SYT14: variants seen among roughly 807,000 people sequenced by gnomAD.
The protein encoded by SYT14 is synaptotagmin-14.
Under a neutral mutation model 74.2 loss-of-function variants are expected in SYT14, and 32 were observed. That is an observed-to-expected ratio of 0.43 (90% CI 0.33 to 0.58). The LOEUF is 0.58. Among genes scored for constraint, SYT14 ranks in the 20% least tolerant of loss-of-function variants. SYT14 has a pLI of 0.05. For missense variants in SYT14, 791 were observed against 981.8 expected, an observed-to-expected ratio of 0.81 and a Z score of 2.60; for synonymous variants, 298 against 337.7, an observed-to-expected ratio of 0.88 and a Z score of 1.29.
Position 210,169,225 on chromosome 1 carries a change from T to G in SYT14, c.*8183T>G, listed in dbSNP as rs2083493451. On this transcript the variant is annotated 3_prime_UTR_variant, in exon 10 of 10. Transcript: ENST00000637265. The stretch of plus-strand genomic sequence containing the variant: ...TTTGGTTTTTATGTTTTTGGTGTTT[T>G]TTTTTTTTTTTTTTTTTTTTTTTTT... 5 of 103,246 alleles carry G rather than the reference T, an allele frequency of 4.8e-5. No homozygotes were observed. The South Asian group carries it at 1.3e-3, about 26-fold the overall frequency. 6.4% of individuals were successfully genotyped at this position (103,246 alleles called of 1,614,324 possible).
At chr1:210,142,399 G>A (rs552380026) in intron 7 of SYT14, among the ~76,000 whole-genome samples, 1 of 152,088 alleles carries the variant, frequency 6.6e-6, no homozygotes, top group African/African-American at 2.4e-5. Flanking sequence ...AGTTTTTTTT[G>A]ACAATGTTTG....
intron 2 of SYT14, among the ~76,000 whole-genome samples, chr1:209,980,823 A>C (rs561574963): frequency 6.6e-6 from 1 of 152,312 alleles, no homozygotes. Flanking sequence ...TTCTTGTACC[A>C]GTACCAAGCT....
intron 2 of SYT14, among the ~76,000 whole-genome samples, chr1:209,978,592 G>A (rs541999340): frequency 1.1e-4 from 17 of 152,270 alleles, no homozygotes; most frequent in Admixed American, 7.2e-4. Flanking sequence ...GTACCTGGCC[G>A]TGTGAGGTGT....
chr1:209,956,942 C>T (rs11810385), intron 2 of SYT14, among the ~76,000 whole-genome samples: 1 of 150,876 alleles, frequency 6.6e-6, no homozygotes, highest in African/African-American at 2.4e-5. Context: ...ACCCTACACC[C>T]TTTTTTTTTC....
intron 5 of SYT14, among the ~76,000 whole-genome samples, chr1:210,037,358 AT>A (rs1016196421): frequency 9.9e-5 from 15 of 151,808 alleles, no homozygotes; most frequent in African/African-American, 3.4e-4. Context: ...ATCAATTTTG[AT>A]TATCTTTTCA....
intron 2 of SYT14, among the ~76,000 whole-genome samples, chr1:209,959,792 A>G (rs1466432946): frequency 6.6e-6 from 1 of 152,272 alleles, no homozygotes; most frequent in East Asian, 1.9e-4. Context: ...GGGAGTTACT[A>G]CTAATAGGTA....
At chr1:210,095,074 C>T (rs2081946113) in intron 6 of SYT14, among the ~76,000 whole-genome samples, 3 of 152,120 alleles carry the variant, frequency 2.0e-5, no homozygotes, top group Non-Finnish European at 4.4e-5. Context: ...TTCATGCATT[C>T]AGAGTGGCTG....
At chr1:210,097,652 A>C (rs1188675006) in intron 6 of SYT14, among the ~76,000 whole-genome samples, 1 of 152,234 alleles carries the variant, frequency 6.6e-6, no homozygotes, top group East Asian at 1.9e-4. Context: ...TAATTGAAAT[A>C]CCAAAGCCAT....
chr1:210,013,400 A>G (rs2080123016), intron 2 of SYT14, among the ~76,000 whole-genome samples: 1 of 152,174 alleles, frequency 6.6e-6, no homozygotes, highest in African/African-American at 2.4e-5. Context: ...GATTGTTCCT[A>G]TGAATTTATA....
At chr1:210,007,207 C>G (rs1434374364) in intron 2 of SYT14, among the ~76,000 whole-genome samples, 1 of 151,634 alleles carries the variant, frequency 6.6e-6, no homozygotes, top group Non-Finnish European at 1.5e-5. Flanking sequence ...AAAGCCAGTT[C>G]AGTATACATA....
intron 2 of SYT14, among the ~76,000 whole-genome samples, chr1:209,957,083 GT>G (rs1209311760): frequency 6.6e-6 from 1 of 152,068 alleles, no homozygotes; most frequent in Non-Finnish European, 1.5e-5. Flanking sequence ...TGCTGACTGA[GT>G]TATGCTGAAA....
chr1:209,964,841 AAT>A (rs2079130301), intron 2 of SYT14, among the ~76,000 whole-genome samples: 2 of 152,182 alleles, frequency 1.3e-5, no homozygotes, highest in Admixed American at 6.5e-5. Context: ...TTCCAAAAGG[AAT>A]ATATGAGTTC....
chr1:210,078,179 G>A (rs1052003845), intron 5 of SYT14, among the ~76,000 whole-genome samples: 8 of 151,464 alleles, frequency 5.3e-5, no homozygotes, highest in Admixed American at 2.6e-4. Context: ...GCGTGGTAGC[G>A]GGCGCCTGTA....
intron 7 of SYT14, among the ~76,000 whole-genome samples, chr1:210,122,460 T>A (rs79779607): frequency 0.036 from 5,513 of 152,302 alleles, 356 homozygotes; most frequent in African/African-American, 0.12. Flanking sequence ...AACTAATCCT[T>A]GTCTTTTAAA....
chr1:209,976,532 C>G (rs1301722848), intron 2 of SYT14, among the ~76,000 whole-genome samples: 1 of 151,820 alleles, frequency 6.6e-6, no homozygotes, highest in East Asian at 1.9e-4. Flanking sequence ...GTTTCTTAAT[C>G]CTGAGTTCTA....
chr1:210,077,387 T>C (rs846550), intron 5 of SYT14, among the ~76,000 whole-genome samples: 86,398 of 152,096 alleles, frequency 0.57, 26,639 homozygotes, highest in African/African-American at 0.82. Context: ...TTGGGGATTA[T>C]ATCTCAGCAT....
intron 1 of SYT14, among the ~76,000 whole-genome samples, chr1:209,947,676 T>C (rs996175341): frequency 1.1e-4 from 17 of 152,240 alleles, no homozygotes; most frequent in African/African-American, 4.1e-4. Flanking sequence ...GTTTAGAATA[T>C]TATATACACT....
intron 7 of SYT14, among the ~76,000 whole-genome samples, chr1:210,108,145 C>T (rs567718337): frequency 6.6e-6 from 1 of 152,276 alleles, no homozygotes; most frequent in East Asian, 1.9e-4. Context: ...TTAAATCTGG[C>T]TCTTGCTTAC....
intron 2 of SYT14, among the ~76,000 whole-genome samples, chr1:209,954,368 T>C (rs1443057885): frequency 1.3e-5 from 2 of 152,170 alleles, no homozygotes; most frequent in Non-Finnish European, 2.9e-5. Context: ...TCTCAAAGTA[T>C]GCTTTGCCCA....
Sources: gnomAD v4.1 joint callset for allele counts (sites outside exome capture counted in the v4.1 genomes callset) on GRCh38, gnomAD v4.1.1 for gene constraint, MANE v1.5 for transcripts, NCBI Gene and HGNC (gene_info 2026-07-23, HGNC 2026-07-21) for gene names.